Variants in LDLRAD4 observed in about 807,000 individuals in gnomAD.
LDLRAD4 encodes the protein low-density lipoprotein receptor class A domain-containing protein 4.
A neutral mutation model predicts 17.0 loss-of-function variants in LDLRAD4; 5 were observed. The ratio of observed to expected loss-of-function variants is 0.29; its 90% CI spans 0.15 to 0.62. The LOEUF (loss-of-function observed/expected upper bound fraction) is 0.62, where lower values mean the gene tolerates loss of function less well. Ranked by LOEUF, LDLRAD4 falls within the 20% of genes least tolerant of loss-of-function variation. The pLI is 0.84. For synonymous variants in LDLRAD4, 168 were observed against 171.8 expected (o/e 0.98, Z 0.17); for missense variants, 340 against 424.7 (o/e 0.80, Z 1.75).
At chr18:13,647,273 A>G (rs941244258) in exon 6 of LDLRAD4, 2 of 152,192 alleles carry the variant, frequency 1.3e-5, no homozygotes, top group Non-Finnish European at 2.9e-5. Flanking sequence ...ATACAATGAA[A>G]AAAATAACTT....
intron 3 of LDLRAD4, among the ~76,000 whole-genome samples, chr18:13,597,143 CTTTA>C (rs1208711258): frequency 5.9e-5 from 9 of 152,128 alleles, no homozygotes; most frequent in Non-Finnish European, 8.8e-5. Flanking sequence ...CTAGGAAGGT[CTTTA>C]TTTAGTCTTA....
intron 2 of LDLRAD4, among the ~76,000 whole-genome samples, chr18:13,408,076 A>T (rs1030679049): frequency 6.6e-6 from 1 of 152,208 alleles, no homozygotes; most frequent in African/African-American, 2.4e-5. Context: ...ATATTCAATT[A>T]TATATGAAAT....
chr18:13,307,369 A>G (rs1295576629), intron 1 of LDLRAD4, among the ~76,000 whole-genome samples: 1 of 152,188 alleles, frequency 6.6e-6, no homozygotes, highest in Non-Finnish European at 1.5e-5. Context: ...ACTTCCACTT[A>G]CTGAATACTA....
At chr18:13,400,839 T>G (rs2087118160) in intron 2 of LDLRAD4, among the ~76,000 whole-genome samples, 1 of 152,208 alleles carries the variant, frequency 6.6e-6, no homozygotes, top group Non-Finnish European at 1.5e-5. Flanking sequence ...ACTTCACATG[T>G]GTTCCTGGAG....
chr18:13,319,518 G>A (rs2143196938), intron 1 of LDLRAD4, among the ~76,000 whole-genome samples: 1 of 152,260 alleles, frequency 6.6e-6, no homozygotes, highest in African/African-American at 2.4e-5. Flanking sequence ...TTAAGCATTT[G>A]GAACACTTGT....
At position 13,319,099 on chromosome 18, in the gene LDLRAD4, A is replaced by G. The variant is rs372925831; in HGVS notation, c.-383+40911A>G. On this transcript the variant is annotated intron_variant, in intron 1 of 5. Transcript: ENST00000359446. ...ATTCACTGTTTTTAAATGCTGCTGC[A>G]GCTCTTATTTCTCATGAAGCCCTTT... 1.4e-4 allele frequency among the ~76,000 whole-genome samples: 21 copies of G among 152,324 alleles called. No individual in the cohort carries two copies. In the East Asian group the frequency reaches 1.9e-3, roughly 14 times the overall value.
At chr18:13,580,609 G>A (rs922011702) in intron 3 of LDLRAD4, among the ~76,000 whole-genome samples, 2 of 152,140 alleles carry the variant, frequency 1.3e-5, no homozygotes, top group Admixed American at 1.3e-4. Flanking sequence ...ATGGCACGGT[G>A]GCCACTGCTG....
rs2040623221 is a variant in LDLRAD4, at chr18:13,621,465, G to T, written c.336+194G>T. 6.6e-6 allele frequency among the ~76,000 whole-genome samples: 1 copy of T among 152,242 alleles called. No individual in the cohort carries two copies. The highest frequency in any genetic ancestry group is 6.5e-5 in the Admixed American group (1 of 15,286). On this transcript the variant is annotated intron_variant, in intron 4 of 5. Transcript: ENST00000359446. This position sits in a 1 kb window ranked among gnomAD's most constrained non-coding sequence, Gnocchi z 5.5. Reference sequence around the variant, plus strand: ...GTGACCAGCACCCAGTGAACATACAGACACAGCAGTCCCCCCAGAAGCCTG... The same window carrying T: ...GTGACCAGCACCCAGTGAACATACATACACAGCAGTCCCCCCAGAAGCCTG...
chr18:13,414,947 C>G (rs1457147984), intron 2 of LDLRAD4, among the ~76,000 whole-genome samples: 5 of 150,326 alleles, frequency 3.3e-5, no homozygotes, highest in Non-Finnish European at 7.3e-5. Flanking sequence ...GGATAATTGA[C>G]ATTTGTCTGT....
chr18:13,534,868 C>T (rs549255851), intron 3 of LDLRAD4, among the ~76,000 whole-genome samples: 5 of 152,336 alleles, frequency 3.3e-5, no homozygotes, highest in East Asian at 1.9e-4. Flanking sequence ...CAGGCCACCT[C>T]GGACCTGCTG....
In LDLRAD4 at chr18:13,367,711, A is replaced by G. The variant is rs142816996; in HGVS notation, c.-382-19630A>G. Among the ~76,000 whole-genome samples, 5 of 151,490 alleles carry G rather than the reference A, an allele frequency of 3.3e-5. No homozygotes were observed. Among genetic ancestry groups the G allele is most frequent in the African/African-American group, 4.8e-5 (2 of 41,266 alleles). ...GCACGGGGGCACACGTTGTCAAGGG[A>G]TATACCGAGAGGAGACAGCCGAGCC... On this transcript the variant is annotated intron_variant, in intron 1 of 5. Transcript: ENST00000359446. This position sits in a 1 kb window ranked among gnomAD's most constrained non-coding sequence, Gnocchi z 4.1.
intron 3 of LDLRAD4, among the ~76,000 whole-genome samples, chr18:13,509,698 A>G (rs1458040670): frequency 1.3e-5 from 2 of 152,242 alleles, no homozygotes; most frequent in Non-Finnish European, 2.9e-5. Flanking sequence ...CTGTGGATCA[A>G]ATGCTATCAA....
chr18:13,420,125 C>T lies in LDLRAD4; in HGVS notation c.41-18119C>T, dbSNP rs2089309211. 3 of 152,212 alleles carry T rather than the reference C, an allele frequency of 2.0e-5. No individual in the cohort carries two copies. The South Asian group carries it at 6.2e-4, about 32-fold the overall frequency. 9.4% of individuals were successfully genotyped at this position (152,212 alleles called of 1,614,324 possible). A position where few individuals can be genotyped will look rare whatever the true frequency, so the allele number is the denominator to read the frequency against. The stretch of plus-strand genomic sequence containing the variant: ...AGAGCACAGAATGTCTTCACATCTC[C>T]ATTTTTCACAAAAATAAAGCACACG... On this transcript the variant is annotated intron_variant, in intron 2 of 5. Coordinates refer to ENST00000359446, the Ensembl canonical transcript of LDLRAD4.
intron 1 of LDLRAD4, among the ~76,000 whole-genome samples, chr18:13,326,506 G>C (rs937440066): frequency 2.7e-4 from 41 of 152,222 alleles, no homozygotes; most frequent in African/African-American, 8.7e-4. Flanking sequence ...GATCAATGTG[G>C]AATGGAACAG....
At chr18:13,261,713 G>A (rs1228468079) in intron 1 of LDLRAD4, among the ~76,000 whole-genome samples, 1 of 152,196 alleles carries the variant, frequency 6.6e-6, no homozygotes, top group African/African-American at 2.4e-5. Context: ...GGAGCTTCAG[G>A]ATTTGTAAAG....
chr18:13,282,850 CA>C lies in LDLRAD4; in HGVS notation c.-383+4663del, dbSNP rs1830487655. Among the ~76,000 whole-genome samples, 3 of 152,254 alleles carry C rather than the reference CA, an allele frequency of 2.0e-5. No homozygotes were observed. The South Asian group carries it at 6.2e-4, about 32-fold the overall frequency. On this transcript the variant is annotated intron_variant, in intron 1 of 5. Coordinates refer to ENST00000359446, the Ensembl canonical transcript of LDLRAD4. ...GTTCTCCATGAGGGCCCCGCCCCTG[CA>C]GCAAACTTTTGCCTGGGCATCTAGG...
chr18:13,324,132 C>A (rs2081388988), intron 1 of LDLRAD4, among the ~76,000 whole-genome samples: 2 of 142,844 alleles, frequency 1.4e-5, no homozygotes, highest in South Asian at 2.3e-4. Flanking sequence ...ATCTTGAGTT[C>A]AAGTGTCTAT....
At chr18:13,419,858 A>C (rs1213673089) in intron 2 of LDLRAD4, 1 of 152,200 alleles carries the variant, frequency 6.6e-6, no homozygotes, top group Non-Finnish European at 1.5e-5. Flanking sequence ...ATGTTCACAC[A>C]CACCTCCACA....
At chr18:13,571,883 G>A (rs555064695) in intron 3 of LDLRAD4, among the ~76,000 whole-genome samples, 2 of 152,234 alleles carry the variant, frequency 1.3e-5, no homozygotes, top group East Asian at 1.9e-4. Flanking sequence ...TGATCCACCC[G>A]CCTCAGCCTC....
Sources: allele counts gnomAD v4.1 joint callset (sites outside exome capture counted in the v4.1 genomes callset), GRCh38; gene constraint gnomAD v4.1.1; non-coding constraint Gnocchi (gnomAD v3.1); transcripts MANE v1.5; gene names NCBI Gene and HGNC (gene_info 2026-07-23, HGNC 2026-07-21).